LYPD6: variants seen among roughly 807,000 people sequenced by gnomAD.
The protein encoded by LYPD6 is ly6/PLAUR domain-containing protein 6.
Under a neutral mutation model 22.7 loss-of-function variants are expected in LYPD6, and 15 were observed. The ratio of observed to expected loss-of-function variants is 0.66; its 90% CI spans 0.44 to 1.02. The LOEUF (loss-of-function observed/expected upper bound fraction) is 1.02. LYPD6 is among the 50% of genes least tolerant of loss of function. LYPD6 has a pLI of 0.00. For missense variants in LYPD6, 189 were observed against 208.4 expected, an observed-to-expected ratio of 0.91 and a Z score of 0.57; for synonymous variants, 72 against 77.5, an observed-to-expected ratio of 0.93 and a Z score of 0.37.
intron 1 of LYPD6, among the ~76,000 whole-genome samples, chr2:149,419,750 A>G (rs1573792366): frequency 6.6e-6 from 1 of 152,302 alleles, no homozygotes; most frequent in Non-Finnish European, 1.5e-5. Flanking sequence ...GTTATCTCAT[A>G]TCAAATGCTG....
intron 1 of LYPD6, among the ~76,000 whole-genome samples, chr2:149,342,858 T>C (rs1327967024): frequency 6.6e-6 from 1 of 152,188 alleles, no homozygotes; most frequent in Non-Finnish European, 1.5e-5. Flanking sequence ...ACTCCTCCTG[T>C]TGCCAATGTT....
At chr2:149,389,552 C>T (rs1165179313) in intron 1 of LYPD6, among the ~76,000 whole-genome samples, 3 of 152,284 alleles carry the variant, frequency 2.0e-5, no homozygotes, top group Non-Finnish European at 4.4e-5. Context: ...CTGTGGTTGT[C>T]TGCGTCTTAG....
chr2:149,447,226 G>A (rs898168466), intron 2 of LYPD6, among the ~76,000 whole-genome samples: 3 of 152,154 alleles, frequency 2.0e-5, no homozygotes, highest in African/African-American at 7.2e-5. Flanking sequence ...GACATTCCTC[G>A]GTGATCCTCA....
intron 1 of LYPD6, among the ~76,000 whole-genome samples, chr2:149,364,779 G>A (rs1681629935): frequency 6.6e-6 from 1 of 151,954 alleles, no homozygotes; most frequent in East Asian, 1.9e-4. Flanking sequence ...TTCCCTAAAG[G>A]CTGTACTAAT....
intron 1 of LYPD6, among the ~76,000 whole-genome samples, chr2:149,418,603 A>G (rs569885520): frequency 9.9e-5 from 15 of 150,862 alleles, no homozygotes; most frequent in South Asian, 4.1e-4. Flanking sequence ...ACCTTGCGCT[A>G]TTTCTCAGAT....
chr2:149,437,859 CTT>C, intron 2 of LYPD6, 33 bp downstream of exon 2: 11 of 1,607,606 alleles, frequency 6.8e-6, no homozygotes, highest in Non-Finnish European at 8.5e-6. Context: ...AGAAATATCA[CTT>C]TATTTCAAAT....
chr2:149,445,668 T>G (rs1487635678), intron 2 of LYPD6, among the ~76,000 whole-genome samples: 1 of 152,242 alleles, frequency 6.6e-6, no homozygotes, highest in African/African-American at 2.4e-5. Context: ...TTCATGTCTC[T>G]CAGCCTTTAT....
chr2:149,470,632 C>T (rs1477967012), intron 4 of LYPD6, 51 bp from the exon 5 acceptor site: 18 of 1,564,410 alleles, frequency 1.2e-5, no homozygotes, highest in Non-Finnish European at 1.6e-5. Context: ...ACCCTGCCTC[C>T]TTCCAAGACA....
At position 149,465,937 on chromosome 2, in the gene LYPD6, G is replaced by A. The variant is rs575234365; in HGVS notation, c.218-2708G>A. 1.1e-4 allele frequency among the ~76,000 whole-genome samples: 17 copies of A among 152,264 alleles called. No homozygotes were observed. In the South Asian group the frequency reaches 3.3e-3, roughly 30 times the overall value. On this transcript the variant is annotated intron_variant, in intron 3 of 4. Transcript: ENST00000334166. ...GATTTTAGAGACAGAAACTAACCTG[G>A]TGGAAATTCAAATTCATCTTTTATC...
intron 1 of LYPD6, among the ~76,000 whole-genome samples, chr2:149,426,547 T>G (rs1388781857): frequency 6.6e-6 from 1 of 152,116 alleles, no homozygotes; most frequent in Admixed American, 6.5e-5. Flanking sequence ...AAGGGCATGA[T>G]TTGTAAATTA....
intron 1 of LYPD6, among the ~76,000 whole-genome samples, chr2:149,353,825 A>G (rs926536184): frequency 2.0e-5 from 3 of 152,018 alleles, no homozygotes; most frequent in African/African-American, 7.3e-5. Flanking sequence ...CTGACTCTCC[A>G]GCTTGTAAAT....
intron 1 of LYPD6, among the ~76,000 whole-genome samples, chr2:149,383,130 C>G (rs1218159914): frequency 6.6e-6 from 1 of 152,054 alleles, no homozygotes; most frequent in East Asian, 1.9e-4. Flanking sequence ...CAGTGTTTTG[C>G]AACTATCACC....
the LYPD6 span, among the ~76,000 whole-genome samples, chr2:149,479,185 G>T: frequency 1.3e-5 from 2 of 152,070 alleles, no homozygotes; most frequent in East Asian, 3.9e-4. Flanking sequence ...CCTCCTACTT[G>T]AAATACTTCC....
At chr2:149,456,732 T>C (rs1329387598) in intron 3 of LYPD6, among the ~76,000 whole-genome samples, 1 of 152,186 alleles carries the variant, frequency 6.6e-6, no homozygotes, top group East Asian at 1.9e-4. Context: ...ACCTTGATTT[T>C]CAATTTCTAG....
At chr2:149,375,252 C>T (rs910181748) in intron 1 of LYPD6, among the ~76,000 whole-genome samples, 5 of 152,090 alleles carry the variant, frequency 3.3e-5, no homozygotes, top group Admixed American at 6.6e-5. Context: ...AGTAAGTGCC[C>T]GTGGGTGGCA....
intron 1 of LYPD6, chr2:149,367,571 C>A (rs909111663): frequency 3.3e-5 from 5 of 152,176 alleles, no homozygotes; most frequent in African/African-American, 4.8e-5. Flanking sequence ...GTGACTCCAT[C>A]CCAACAAGCC....
intron 1 of LYPD6, among the ~76,000 whole-genome samples, chr2:149,431,844 G>A (rs1304507956): frequency 6.6e-6 from 1 of 152,032 alleles, no homozygotes; most frequent in Non-Finnish European, 1.5e-5. Context: ...AATGGGAGAG[G>A]ATATTTGCAA....
chr2:149,410,570 T>A (rs1682829515), intron 1 of LYPD6, among the ~76,000 whole-genome samples: 1 of 152,186 alleles, frequency 6.6e-6, no homozygotes, highest in African/African-American at 2.4e-5. Flanking sequence ...AAAAGTCCTA[T>A]GCTAATTTCT....
intron 2 of LYPD6, among the ~76,000 whole-genome samples, chr2:149,448,345 A>G (rs1352334986): frequency 6.6e-6 from 1 of 152,210 alleles, no homozygotes; most frequent in Admixed American, 6.5e-5. Context: ...CACAACTAGT[A>G]TATTAATATC....
Sources: allele counts gnomAD v4.1 joint callset (sites outside exome capture counted in the v4.1 genomes callset), GRCh38; gene constraint gnomAD v4.1.1; transcripts MANE v1.5; gene names NCBI Gene and HGNC (gene_info 2026-07-23, HGNC 2026-07-21).